ELF1: variants seen among roughly 807,000 people sequenced by gnomAD.
ELF1 encodes ETS-related transcription factor Elf-1.
ELF1 carries 24 observed loss-of-function variants against 59.9 expected under a neutral mutation model. That is an observed-to-expected ratio of 0.40 (90% CI 0.29 to 0.56). The LOEUF (loss-of-function observed/expected upper bound fraction) is 0.56, where lower values mean the gene tolerates loss of function less well. Ranked by LOEUF, ELF1 falls within the 20% of genes least tolerant of loss-of-function variation. The pLI, the probability that ELF1 is intolerant of heterozygous loss-of-function variation, is 0.44. For missense variants in ELF1, 627 were observed against 742.2 expected (o/e 0.84, Z 1.80); for synonymous variants, 248 against 266.2 (o/e 0.93, Z 0.67).
At chr13:41,041,274 A>C (rs1406072271) in intron 1 of ELF1, among the ~76,000 whole-genome samples, 2 of 151,976 alleles carry the variant, frequency 1.3e-5, no homozygotes, top group Middle Eastern at 3.2e-3. Context: ...AAAAAAAAAA[A>C]AAAAACCTAT....
At chr13:41,025,766 A>C (rs1176872341) in intron 1 of ELF1, among the ~76,000 whole-genome samples, 2 of 152,214 alleles carry the variant, frequency 1.3e-5, no homozygotes, top group African/African-American at 4.8e-5. Context: ...AAGACAGATG[A>C]ATCTAGGAGA....
intron 1 of ELF1, among the ~76,000 whole-genome samples, chr13:41,007,139 C>T (rs1331349047): frequency 6.6e-6 from 1 of 151,836 alleles, no homozygotes; most frequent in Non-Finnish European, 1.5e-5. Flanking sequence ...TCAATGATGC[C>T]GCTCACAAAA....
Position 40,949,843 on chromosome 13 carries a change from C to G in ELF1, c.492G>C (p.Pro164=), listed in dbSNP as rs147401106. Residue 164 remains proline, a synonymous_variant, in exon 5 of 9, where the codon CCG becomes CCC. Coordinates refer to ENST00000239882, the MANE Select transcript of ELF1 (RefSeq NM_172373.4). ...QQVQEKYADS[P]GASSPEQPKR... ...TAGGCTGTTCTGGTGATGAGGCTCCCGGTGAGTCTGCATATTTTTCTTGCA... is the reference window on the plus strand; with the variant it reads ...TAGGCTGTTCTGGTGATGAGGCTCCGGGTGAGTCTGCATATTTTTCTTGCA... 1.2e-6 allele frequency: 2 copies of G among 1,613,952 alleles called. No homozygotes were observed. The highest frequency in any genetic ancestry group is 2.7e-5 in the African/African-American group (2 of 74,886).
At chr13:40,975,061 A>G (rs1283782109) in intron 2 of ELF1, among the ~76,000 whole-genome samples, 1 of 152,242 alleles carries the variant, frequency 6.6e-6, no homozygotes. Context: ...TGATATGACA[A>G]GATTTAAAAA....
intron 1 of ELF1, among the ~76,000 whole-genome samples, chr13:41,041,657 AGAGT>A (rs566250412): frequency 1.5e-3 from 236 of 152,300 alleles, no homozygotes; most frequent in African/African-American, 5.1e-3. Flanking sequence ...CCTGAGCAAC[AGAGT>A]GAGACCCTTT....
chr13:41,045,643 G>C (rs1236224795), intron 1 of ELF1, among the ~76,000 whole-genome samples: 1 of 152,214 alleles, frequency 6.6e-6, no homozygotes, highest in African/African-American at 2.4e-5. Flanking sequence ...TGGTCTGAGA[G>C]ACAGTTTGTT....
intron 2 of ELF1, among the ~76,000 whole-genome samples, chr13:40,962,124 A>G (rs1347223198): frequency 1.3e-5 from 2 of 152,146 alleles, no homozygotes; most frequent in Non-Finnish European, 2.9e-5. Context: ...TTTATAATCA[A>G]TGTCACTTCT....
At chr13:41,027,029 TGAAATCTTCCCAGTCAC>T (rs1460316325) in intron 1 of ELF1, among the ~76,000 whole-genome samples, 13 of 152,196 alleles carry the variant, frequency 8.5e-5, no homozygotes, top group South Asian at 2.1e-4. Flanking sequence ...CATCCAGTCA[TGAAATCTTCCCAGTCAC>T]GAAATCTTCC....
At chr13:40,966,691 C>A (rs1014146661) in intron 2 of ELF1, among the ~76,000 whole-genome samples, 15 of 152,264 alleles carry the variant, frequency 9.9e-5, no homozygotes, top group Admixed American at 3.9e-4. Context: ...TCAAAAAGCA[C>A]AAGAACTTTC....
chr13:41,028,085 C>T (rs765165340), intron 1 of ELF1, among the ~76,000 whole-genome samples: 3 of 152,240 alleles, frequency 2.0e-5, no homozygotes, highest in African/African-American at 7.2e-5. Flanking sequence ...TTCCTGTTCC[C>T]GTAACTTTAT....
At chr13:41,005,621 T>C (rs1874702619) in intron 1 of ELF1, among the ~76,000 whole-genome samples, 1 of 152,142 alleles carries the variant, frequency 6.6e-6, no homozygotes, top group Middle Eastern at 3.2e-3. Flanking sequence ...AAACTATCTC[T>C]ACTCCCTTCT....
At chr13:40,943,229 C>A in intron 6 of ELF1, 85 bp from the exon 7 acceptor site, 1 of 1,166,634 alleles carries the variant, frequency 8.6e-7, no homozygotes, top group Non-Finnish European at 1.1e-6. Flanking sequence ...CTTAGAAGTG[C>A]CATTTATATT....
chr13:40,978,870 T>G (rs1470221193), intron 2 of ELF1, among the ~76,000 whole-genome samples: 1 of 152,044 alleles, frequency 6.6e-6, no homozygotes, highest in Non-Finnish European at 1.5e-5. Flanking sequence ...ATACAGCTCC[T>G]CTTACCCCCC....
At chr13:41,028,686 T>A (rs1047798101) in intron 1 of ELF1, among the ~76,000 whole-genome samples, 2 of 152,250 alleles carry the variant, frequency 1.3e-5, no homozygotes, top group African/African-American at 2.4e-5. Context: ...TCCTTTACTA[T>A]GTAATATAAG....
At chr13:41,010,905 T>C (rs1875028103) in intron 1 of ELF1, among the ~76,000 whole-genome samples, 2 of 152,182 alleles carry the variant, frequency 1.3e-5, no homozygotes, top group Non-Finnish European at 2.9e-5. Context: ...CAAGGGATGA[T>C]GAAAGTAAAA....
intron 5 of ELF1, 58 bp from the exon 6 acceptor site, chr13:40,943,983 A>G: frequency 6.5e-7 from 1 of 1,530,902 alleles, no homozygotes; most frequent in Non-Finnish European, 9.0e-7. Flanking sequence ...GAAAATGGAC[A>G]ATTCAGCTAT....
intron 2 of ELF1, among the ~76,000 whole-genome samples, chr13:40,976,840 C>T (rs775153034): frequency 6.6e-5 from 10 of 152,126 alleles, no homozygotes; most frequent in South Asian, 2.1e-4. Flanking sequence ...CCACTGCACC[C>T]GGCACTGTTA....
At position 40,958,953 on chromosome 13, in the gene ELF1, T is replaced by C. The variant is rs1255389775; in HGVS notation, c.136A>G (p.Asn46Asp). ...ACACAGGCTAGACCGGCATAACTAT[T>C]GAGAATATCAGCACCAGGAACATGT... The part of the protein sequence containing the change: ...VEHVPGADIL[N>D]SYAGLACVEE... Residue 46 changes from asparagine (N) to aspartate (D), a missense_variant, in exon 3 of 9, where the codon AAT becomes GAT. By Grantham distance (23) the Asn-to-Asp change is conservative (BLOSUM62 1). This residue lies in a region of ELF1 where 232 missense variants were observed against 269.2 expected (regional missense o/e 0.86). Transcript: ENST00000239882. 6.2e-7 allele frequency: 1 copy of C among 1,613,642 alleles called. No individual in the cohort carries two copies.
Position 40,934,012 on chromosome 13 carries a change from T to G in ELF1, c.1273A>C (p.Thr425Pro), listed in dbSNP as rs748531706. Residue 425 changes from threonine (T) to proline (P), a missense_variant, in exon 9 of 9, where the codon ACC becomes CCC. Coordinates refer to ENST00000239882, the MANE Select transcript of ELF1 (RefSeq NM_172373.4). ...VQSIRTIQAP[T>P]QVPVVVSPRN... ...GGAGACACAACCACTGGAACTTGGG[T>G]TGGAGCCTGTATAGTCCTATTGAGA... The G allele has an allele frequency of 2.5e-6, 4 of 1,614,002 alleles. No individual in the cohort carries two copies. The highest frequency in any genetic ancestry group is 3.4e-6 in the Non-Finnish European group (4 of 1,179,902).
Sources: gnomAD v4.1 joint callset for allele counts (sites outside exome capture counted in the v4.1 genomes callset) on GRCh38, gnomAD v4.1.1 for gene constraint, gnomAD v4.1.1 regional missense constraint, MANE v1.5 for transcripts, NCBI Gene and HGNC (gene_info 2026-07-23, HGNC 2026-07-21) for gene names.